GABRG2: variants seen among roughly 807,000 people sequenced by gnomAD.
The protein encoded by GABRG2 is gamma-aminobutyric acid receptor subunit gamma-2.
Under a neutral mutation model 56.4 loss-of-function variants are expected in GABRG2, and 16 were observed. The observed-to-expected ratio is 0.28, with a 90% confidence interval of 0.19 to 0.43. The LOEUF (loss-of-function observed/expected upper bound fraction) is 0.43, where lower values mean the gene tolerates loss of function less well. Among genes scored for constraint, GABRG2 ranks in the 20% least tolerant of loss-of-function variants. The pLI is 1.00. For missense variants in GABRG2, 327 were observed against 582.7 expected (o/e 0.56, Z 4.52); for synonymous variants, 208 against 205.5 (o/e 1.01, Z -0.10).
intron 1 of GABRG2, among the ~76,000 whole-genome samples, chr5:162,083,066 T>C (rs926624058): frequency 1.3e-5 from 2 of 151,772 alleles, no homozygotes; most frequent in Admixed American, 6.6e-5. Context: ...TCCAGAATTA[T>C]GGTCATTCAG....
chr5:162,154,234 T>A lies in GABRG2; in HGVS notation c.*866T>A, dbSNP rs929492940. On this transcript the variant is annotated 3_prime_UTR_variant, in exon 10 of 10. Coordinates refer to ENST00000639213, the MANE Select transcript of GABRG2 (RefSeq NM_198904.4). ...ATAACTAGAGTATAAAGTAATTGTA[T>A]GTGCTTGCCGCTATTTTTTTCTTCC... 6.6e-6 allele frequency: 1 copy of A among 152,200 alleles called. No individual in the cohort carries two copies. The highest frequency in any genetic ancestry group is 1.5e-5 in the Non-Finnish European group (1 of 68,028). The allele number at this position is 152,200 out of a possible 1,614,324, so 9.4% of individuals were successfully genotyped here. A position where few individuals can be genotyped will look rare whatever the true frequency, so the allele number is the denominator to read the frequency against.
chr5:162,078,116 A>G (rs1171793401), intron 1 of GABRG2, among the ~76,000 whole-genome samples: 3 of 151,988 alleles, frequency 2.0e-5, no homozygotes, highest in African/African-American at 7.3e-5. Flanking sequence ...AGCTTCTGCT[A>G]CTAAAACAAA....
chr5:162,126,434 T>C (rs1239943484), intron 6 of GABRG2, among the ~76,000 whole-genome samples: 1 of 151,946 alleles, frequency 6.6e-6, no homozygotes, highest in African/African-American at 2.4e-5. Context: ...TTTTGACCTC[T>C]ATTGTGGGGG....
chr5:162,080,322 G>A (rs1418432561), intron 1 of GABRG2, among the ~76,000 whole-genome samples: 1 of 152,082 alleles, frequency 6.6e-6, no homozygotes, highest in Non-Finnish European at 1.5e-5. Context: ...GCCAGGGAAG[G>A]CAATTATGAA....
At chr5:162,109,452 C>T (rs1438168680) in intron 6 of GABRG2, among the ~76,000 whole-genome samples, 1 of 139,626 alleles carries the variant, frequency 7.2e-6, no homozygotes, top group Non-Finnish European at 1.5e-5. Context: ...AACATGATTT[C>T]TGCCTTGTGT....
intron 5 of GABRG2, chr5:162,101,769 A>G (rs1481397545): frequency 1.8e-5 from 3 of 168,880 alleles, no homozygotes; most frequent in African/African-American, 4.8e-5. Context: ...CTACTACTTG[A>G]CACACATAAG....
intron 1 of GABRG2, among the ~76,000 whole-genome samples, chr5:162,087,391 T>G (rs1052755240): frequency 1.3e-5 from 2 of 152,126 alleles, no homozygotes; most frequent in African/African-American, 4.8e-5. Flanking sequence ...GCCACTGATA[T>G]CAGTTTCATG....
At chr5:162,140,326 C>T (rs1158083426) in intron 6 of GABRG2, among the ~76,000 whole-genome samples, 2 of 152,104 alleles carry the variant, frequency 1.3e-5, no homozygotes, top group Non-Finnish European at 2.9e-5. Flanking sequence ...TAACAAAAGG[C>T]AGTGTTAAGA....
At chr5:162,085,548 T>C (rs1760012521) in intron 1 of GABRG2, among the ~76,000 whole-genome samples, 1 of 149,366 alleles carries the variant, frequency 6.7e-6, no homozygotes, top group South Asian at 2.2e-4. Flanking sequence ...TTTTAGTACT[T>C]TTTTTTCTTC....
chr5:162,078,878 G>A (rs1759416834), intron 1 of GABRG2, among the ~76,000 whole-genome samples: 1 of 151,542 alleles, frequency 6.6e-6, no homozygotes, highest in Non-Finnish European at 1.5e-5. Flanking sequence ...TTTAAAGCCT[G>A]AAATAATAAA....
chr5:162,069,403 G>A (rs1257541466), intron 1 of GABRG2, among the ~76,000 whole-genome samples: 1 of 152,010 alleles, frequency 6.6e-6, no homozygotes, highest in Non-Finnish European at 1.5e-5. Flanking sequence ...TTTGTGGGTC[G>A]ACAATCTTAC....
chr5:162,117,655 A>G (rs1379586355), intron 6 of GABRG2, among the ~76,000 whole-genome samples: 1 of 152,176 alleles, frequency 6.6e-6, no homozygotes, highest in Admixed American at 6.6e-5. Flanking sequence ...ATAATTTAAA[A>G]TATTGCCATA....
chr5:162,138,128 T>C (rs1240154975), intron 6 of GABRG2, among the ~76,000 whole-genome samples: 3 of 152,242 alleles, frequency 2.0e-5, no homozygotes, highest in Admixed American at 6.5e-5. Flanking sequence ...CCTTTATGCC[T>C]TTTAAATTTT....
rs1759764270 is a variant in GABRG2, at chr5:162,082,756, T to C, written c.108-11072T>C. On this transcript the variant is annotated intron_variant, in intron 1 of 9. Coordinates refer to ENST00000639213, the MANE Select transcript of GABRG2 (RefSeq NM_198904.4). Reference sequence around the variant, plus strand: ...ATATTATATAGAGATAAAAATAAGCTATTTATATAACGAGAGTAGGAGGAA... The same window carrying C: ...ATATTATATAGAGATAAAAATAAGCCATTTATATAACGAGAGTAGGAGGAA... Among the ~76,000 whole-genome samples, 3 of 151,614 alleles carry C rather than the reference T, an allele frequency of 2.0e-5. No individual in the cohort carries two copies. In the East Asian group the frequency reaches 5.8e-4, roughly 29 times the overall value.
intron 6 of GABRG2, chr5:162,128,264 G>A (rs1017489319): frequency 1.3e-5 from 2 of 151,888 alleles, no homozygotes; most frequent in Non-Finnish European, 2.9e-5. Flanking sequence ...GTGAGGAGGT[G>A]TATTGATTTC....
intron 6 of GABRG2, among the ~76,000 whole-genome samples, chr5:162,135,865 G>A (rs1264320571): frequency 2.0e-5 from 3 of 151,844 alleles, no homozygotes; most frequent in African/African-American, 4.9e-5. Flanking sequence ...ATATGAGTCC[G>A]GGAATATAGT....
chr5:162,084,716 A>T (rs1759923519), intron 1 of GABRG2, among the ~76,000 whole-genome samples: 1 of 151,926 alleles, frequency 6.6e-6, no homozygotes, highest in Admixed American at 6.6e-5. Flanking sequence ...ATAAATGAAG[A>T]AATACAAAGT....
At position 162,093,263 on chromosome 5, in the gene GABRG2, C is replaced by G. The variant is rs547626549; in HGVS notation, c.108-565C>G. Among the ~76,000 whole-genome samples the G allele has an allele frequency of 8.7e-3, 1,316 of 152,094 alleles. 18 individuals are homozygous for G. The highest frequency in any genetic ancestry group is 0.03 in the African/African-American group (1,262 of 41,504). Reference sequence around the variant, plus strand: ...AAATGATCCACCTTTGCCTTCAGTGCAAGTGAGGGGAAAAAATACACATAA... The same window carrying G: ...AAATGATCCACCTTTGCCTTCAGTGGAAGTGAGGGGAAAAAATACACATAA... On this transcript the variant is annotated intron_variant, in intron 1 of 9. Transcript: ENST00000639213.
intron 1 of GABRG2, among the ~76,000 whole-genome samples, chr5:162,085,888 G>A (rs1180097038): frequency 6.6e-6 from 1 of 151,694 alleles, no homozygotes; most frequent in Non-Finnish European, 1.5e-5. Context: ...CTCCATTCAT[G>A]TCCCTGCAAA....
Sources: gnomAD v4.1 joint callset for allele counts (sites outside exome capture counted in the v4.1 genomes callset) on GRCh38, gnomAD v4.1.1 for gene constraint, MANE v1.5 for transcripts, NCBI Gene and HGNC (gene_info 2026-07-23, HGNC 2026-07-21) for gene names.